The following GCSAML variants were observed in gnomAD, a reference collection of about 807,000 sequenced individuals.
GCSAML encodes germinal center associated signaling and motility like.
Under a neutral mutation model 13.0 loss-of-function variants are expected in GCSAML, and 9 were observed. That is an observed-to-expected ratio of 0.69 (90% CI 0.42 to 1.21). GCSAML has a LOEUF of 1.21. Ranked by LOEUF, GCSAML falls within the 50% of genes most tolerant of loss-of-function variation. The pLI, the probability that GCSAML is intolerant of heterozygous loss-of-function variation, is 0.00. For missense variants in GCSAML, 143 were observed against 153.4 expected (o/e 0.93, Z 0.36); for synonymous variants, 37 against 52.9 (o/e 0.70, Z 1.31).
At chr1:247,561,489 G>C (rs532140294) in intron 2 of GCSAML, among the ~76,000 whole-genome samples, 1 of 152,014 alleles carries the variant, frequency 6.6e-6, no homozygotes, top group Admixed American at 6.6e-5. Flanking sequence ...AATACTAGGA[G>C]TTATTTGTTC....
At chr1:247,556,592 G>C (rs145405580) in intron 2 of GCSAML, 126 bp downstream of exon 2, 12 of 613,464 alleles carry the variant, frequency 2.0e-5, no homozygotes, top group Non-Finnish European at 3.4e-5. Flanking sequence ...GAGTTCTTTG[G>C]TGATTACCTG....
chr1:247,525,510 G>GT (rs1666645309), intron 1 of GCSAML: 1 of 152,240 alleles, frequency 6.6e-6, no homozygotes, highest in Non-Finnish European at 1.5e-5. Context: ...ACATTTAGCA[G>GT]TTTATTGTAA....
At chr1:247,509,740 T>C (rs1665957191) in intron 1 of GCSAML, among the ~76,000 whole-genome samples, 1 of 152,228 alleles carries the variant, frequency 6.6e-6, no homozygotes. Context: ...GAAGGCCTTT[T>C]CTACATCTAT....
chr1:247,567,976 C>G (rs576172722), intron 4 of GCSAML, among the ~76,000 whole-genome samples: 1 of 152,032 alleles, frequency 6.6e-6, no homozygotes, highest in Admixed American at 6.6e-5. Context: ...TAAATGTCTT[C>G]TTTTGAGAAG....
intron 3 of GCSAML, among the ~76,000 whole-genome samples, chr1:247,564,892 A>G (rs778286332): frequency 5.8e-4 from 88 of 152,202 alleles, no homozygotes; most frequent in African/African-American, 2.0e-3. Flanking sequence ...ACCCAAACGT[A>G]AAACCCAAAA....
upstream of GCSAML, among the ~76,000 whole-genome samples, chr1:247,546,436 G>A (rs1445102099): frequency 2.6e-5 from 4 of 152,096 alleles, no homozygotes; most frequent in Admixed American, 6.5e-5. Flanking sequence ...TCGGCTCACT[G>A]CAAACTCCGC....
At chr1:247,532,624 C>T in intron 2 of GCSAML, 1 of 1,035,240 alleles carries the variant, frequency 9.7e-7, no homozygotes. Context: ...TATTTTAGTT[C>T]ATTTTATGTT....
chr1:247,529,766 C>G (rs1487909700), intron 2 of GCSAML: 1 of 131,408 alleles, frequency 7.6e-6, no homozygotes, highest in African/African-American at 3.0e-5. Flanking sequence ...ACATTTAAAT[C>G]AGTAGACTTT....
intron 4 of GCSAML, among the ~76,000 whole-genome samples, chr1:247,571,740 TGG>T (rs1448573440): frequency 2.6e-5 from 4 of 152,230 alleles, no homozygotes; most frequent in Non-Finnish European, 5.9e-5. Context: ...ATTACAATGT[TGG>T]CCTGTCTTGC....
chr1:247,561,673 CATGT>C (rs2103053791), intron 2 of GCSAML, among the ~76,000 whole-genome samples: 1 of 152,184 alleles, frequency 6.6e-6, no homozygotes, highest in African/African-American at 2.4e-5. Context: ...CAATAATAAA[CATGT>C]TATTTTTCTG....
Position 247,565,904 on chromosome 1 carries a change from CTTTTTTT to C in GCSAML, c.140-17_140-11del. The C allele has an allele frequency of 7.3e-7, 1 of 1,368,542 alleles. No homozygotes were observed. Among genetic ancestry groups the C allele is most frequent in the Non-Finnish European group, 9.8e-7 (1 of 1,019,034 alleles). The allele number at this position is 1,368,542 out of a possible 1,614,324, so 84.8% of individuals were successfully genotyped here. A position where few individuals can be genotyped will look rare whatever the true frequency, so the allele number is the denominator to read the frequency against. On this transcript the variant is annotated intron_variant, in intron 3 of 4. Coordinates refer to ENST00000366488, the MANE Select transcript of GCSAML (RefSeq NM_145278.5). ...AGTCTCACAGTGCTTTCCTTTCTTT[CTTTTTTT>C]TTTTTTTTTAATTCTCCAGGCCAAG...
intron 2 of GCSAML, chr1:247,530,525 C>A (rs1266782376): frequency 7.0e-6 from 1 of 142,252 alleles, no homozygotes; most frequent in Non-Finnish European, 1.6e-5. Flanking sequence ...CATCCCCCCC[C>A]CACAAAATAA....
At chr1:247,515,656 AG>A (rs1666185173) in intron 1 of GCSAML, among the ~76,000 whole-genome samples, 1 of 152,188 alleles carries the variant, frequency 6.6e-6, no homozygotes, top group Non-Finnish European at 1.5e-5. Context: ...CAGATGGCGA[AG>A]GGGAAGCAAG....
At chr1:247,546,653 G>A (rs186354961), upstream of GCSAML, among the ~76,000 whole-genome samples, 257 of 151,762 alleles carry the variant, frequency 1.7e-3, 1 homozygote, top group Non-Finnish European at 2.2e-3. Context: ...GAGCCACCGC[G>A]CCCGGCTGAA....
chr1:247,549,163 G>A lies in GCSAML; in HGVS notation c.-29G>A, dbSNP rs1390090792. On this transcript the variant is annotated 5_prime_UTR_variant, in exon 1 of 5. Transcript: ENST00000366488. Reference sequence around the variant, plus strand: ...CTTCCCCAAGTGGAGTGAAACTCAGGAGCTGAGAAACCGAGTCACTGTGAA... The same window carrying A: ...CTTCCCCAAGTGGAGTGAAACTCAGAAGCTGAGAAACCGAGTCACTGTGAA... The A allele has an allele frequency of 6.2e-7, 1 of 1,614,120 alleles. No individual in the cohort carries two copies. Among genetic ancestry groups the A allele is most frequent in the Non-Finnish European group, 8.5e-7 (1 of 1,179,996 alleles).
intron 2 of GCSAML, chr1:247,538,612 T>G (rs1572330801): frequency 7.9e-6 from 3 of 379,614 alleles, no homozygotes; most frequent in South Asian, 5.9e-5. Context: ...ATAAAAAGAG[T>G]AAGAAATACT....
At chr1:247,565,885 A>T in intron 3 of GCSAML, 46 bp from the exon 4 acceptor site, 1 of 1,475,058 alleles carries the variant, frequency 6.8e-7, no homozygotes, top group Non-Finnish European at 9.2e-7. Flanking sequence ...CAAAAGTCTC[A>T]CAGTGCTTTC....
chr1:247,560,935 G>A (rs1558256914), intron 2 of GCSAML, among the ~76,000 whole-genome samples: 1 of 151,810 alleles, frequency 6.6e-6, no homozygotes. Flanking sequence ...TGTTTCATTT[G>A]TTTAGATTTT....
At chr1:247,518,054 C>A (rs1666277063) in intron 1 of GCSAML, among the ~76,000 whole-genome samples, 1 of 152,228 alleles carries the variant, frequency 6.6e-6, no homozygotes, top group Admixed American at 6.5e-5. Flanking sequence ...CCCTTCTCCA[C>A]CTCCTGCCAC....
Sources: allele counts gnomAD v4.1 joint callset (sites outside exome capture counted in the v4.1 genomes callset), GRCh38; gene constraint gnomAD v4.1.1; transcripts MANE v1.5; gene names NCBI Gene and HGNC (gene_info 2026-07-23, HGNC 2026-07-21).